The following UNC13B variants were observed in gnomAD, a reference collection of about 807,000 sequenced individuals.
UNC13B encodes the protein unc-13 homolog B, also known as protein unc-13 homolog B.
Under a neutral mutation model 211.0 loss-of-function variants are expected in UNC13B, and 144 were observed. The ratio of observed to expected loss-of-function variants is 0.68; its 90% CI spans 0.60 to 0.78. The LOEUF (loss-of-function observed/expected upper bound fraction) is 0.78, where lower values mean the gene tolerates loss of function less well. Ranked by LOEUF, UNC13B falls within the 30% of genes least tolerant of loss-of-function variation. The probability of loss-of-function intolerance (pLI) is 0.00; values close to 1 mark genes in which losing one functional copy is unlikely to be tolerated. For missense variants in UNC13B, 1,777 were observed against 2,002.0 expected (o/e 0.89, Z 2.14); for synonymous variants, 709 against 725.8 (o/e 0.98, Z 0.37).
At chr9:35,211,429 A>G (rs973711174) in intron 1 of UNC13B, among the ~76,000 whole-genome samples, 3 of 152,160 alleles carry the variant, frequency 2.0e-5, no homozygotes, top group African/African-American at 7.2e-5. Flanking sequence ...CCATGTGGGT[A>G]CCCGTAAATC....
chr9:35,353,121 G>A (rs1587681483), intron 11 of UNC13B: 2 of 1,232,134 alleles, frequency 1.6e-6, no homozygotes, highest in Non-Finnish European at 1.0e-6. Flanking sequence ...ATTATCATAG[G>A]GCCTGAGACT....
At chr9:35,284,870 C>T (rs1356983966) in intron 7 of UNC13B, among the ~76,000 whole-genome samples, 1 of 152,184 alleles carries the variant, frequency 6.6e-6, no homozygotes, top group East Asian at 1.9e-4. Context: ...AGTATTCCAT[C>T]ATTTTAATGT....
At chr9:35,397,796 G>T in intron 30 of UNC13B, 84 bp downstream of exon 30, 3 of 1,459,398 alleles carry the variant, frequency 2.1e-6, no homozygotes, top group South Asian at 1.2e-5. Context: ...CAGAATTGAG[G>T]GTTGGGGTGA....
At chr9:35,398,373 G>A (rs1836028355) in intron 31 of UNC13B, 85 bp downstream of exon 31, 9 of 1,485,536 alleles carry the variant, frequency 6.1e-6, no homozygotes, top group Non-Finnish European at 8.4e-6. Context: ...TCTTAACTAG[G>A]TGTAGGCCAG....
intron 12 of UNC13B, 68 bp downstream of exon 12, chr9:35,367,061 CT>C: frequency 6.7e-7 from 1 of 1,497,872 alleles, no homozygotes; most frequent in Non-Finnish European, 9.3e-7. Context: ...AGCTTTTCCC[CT>C]GGGAAGCAGG....
At chr9:35,196,944 A>AT (rs1263350935) in intron 1 of UNC13B, among the ~76,000 whole-genome samples, 12 of 150,548 alleles carry the variant, frequency 8.0e-5, no homozygotes, top group Admixed American at 1.3e-4. Context: ...CTAATTTTTA[A>AT]TTTTTTTGTA....
chr9:35,381,361 G>A, intron 19 of UNC13B, 146 bp downstream of exon 19: 1 of 966,662 alleles, frequency 1.0e-6, no homozygotes, highest in Non-Finnish European at 1.5e-6. Flanking sequence ...GAGTCCGAGT[G>A]ACTGAACTCA....
At chr9:35,203,456 C>A (rs939369745) in intron 1 of UNC13B, among the ~76,000 whole-genome samples, 2 of 152,222 alleles carry the variant, frequency 1.3e-5, no homozygotes, top group African/African-American at 4.8e-5. Context: ...GTTGAAAATT[C>A]TTTTCTTTAC....
intron 1 of UNC13B, among the ~76,000 whole-genome samples, chr9:35,188,655 T>A (rs1288450599): frequency 6.6e-6 from 1 of 152,196 alleles, no homozygotes; most frequent in Non-Finnish European, 1.5e-5. Flanking sequence ...TTGGGACACC[T>A]GTTAAATGTC....
At chr9:35,271,087 C>T (rs562453973) in intron 7 of UNC13B, among the ~76,000 whole-genome samples, 9 of 144,164 alleles carry the variant, frequency 6.2e-5, no homozygotes, top group East Asian at 6.1e-4. Context: ...TTTAGTGAGC[C>T]GAGATTGCGC....
chr9:35,370,771 G>A (rs1300854169), intron 13 of UNC13B, among the ~76,000 whole-genome samples: 1 of 152,218 alleles, frequency 6.6e-6, no homozygotes, highest in African/African-American at 2.4e-5. Flanking sequence ...GGTATGGGAT[G>A]AGCATGACTG....
At chr9:35,367,250 C>G (rs1833831702) in intron 12 of UNC13B, among the ~76,000 whole-genome samples, 1 of 152,242 alleles carries the variant, frequency 6.6e-6, no homozygotes, top group South Asian at 2.1e-4. Flanking sequence ...TCATCCTTGC[C>G]TCTATAATTT....
chr9:35,403,170 C>A lies in UNC13B; in HGVS notation c.12488C>A (p.Ser4163Tyr). The A allele has an allele frequency of 6.2e-7, 1 of 1,613,966 alleles. No homozygotes were observed. Among genetic ancestry groups the A allele is most frequent in the South Asian group, 1.1e-5 (1 of 91,022 alleles). The change falls in exon 38 of 40, where the codon TCT (serine) becomes TAT (tyrosine). Residue 4163 changes from serine (S) to tyrosine (Y), a missense_variant. Ser to Tyr is a moderately radical substitution (Grantham distance 144). Transcript: ENST00000635942. ...TFVRSQTTQGSGVDDPVGEVS... is the reference protein window; with the variant it reads ...TFVRSQTTQGYGVDDPVGEVS... The stretch of plus-strand genomic sequence containing the variant: ...CATCTCTCCATTTGTCCCTCAGGGT[C>A]TGGTGTGGACGATCCTGTGGGAGAA...
chr9:35,332,352 A>G (rs1831421865), intron 11 of UNC13B, among the ~76,000 whole-genome samples: 1 of 152,090 alleles, frequency 6.6e-6, no homozygotes. Flanking sequence ...TTTTCACTAT[A>G]ATTTCCCAAT....
chr9:35,307,693 T>C lies in UNC13B; in HGVS notation c.8289T>C (p.Phe2763=). 2.5e-6 allele frequency: 1 copy of C among 398,966 alleles called. No individual in the cohort carries two copies. The highest frequency in any genetic ancestry group is 1.3e-4 in the South Asian group (1 of 7,840). 24.7% of individuals were successfully genotyped at this position (398,966 alleles called of 1,614,324 possible). The change falls in exon 9 of 40, where the codon TTT becomes TTC. Residue 2763 remains phenylalanine, a synonymous_variant. Transcript: ENST00000635942. ...PQETEQSRPR[F]EIPNVTTWPK... is the part of the protein sequence containing the mutation. ...AAACAGAGCAGTCAAGACCACGTTT[T>C]GAGATCCCAAATGTGACCACTTGGC... is the stretch of plus-strand genomic sequence containing the variant.
At chr9:35,321,946 G>A (rs1461326232) in intron 11 of UNC13B, among the ~76,000 whole-genome samples, 1 of 152,186 alleles carries the variant, frequency 6.6e-6, no homozygotes, top group Admixed American at 6.5e-5. Context: ...CAATTTGACA[G>A]AAGAATGGTA....
Position 35,403,762 on chromosome 9 carries a change from AG to A in UNC13B, c.12754del (p.Glu4252ArgfsTer12), listed in dbSNP as rs1564204780. 17 of 1,614,064 alleles carry A rather than the reference AG, an allele frequency of 1.1e-5. No individual in the cohort carries two copies. Among genetic ancestry groups the A allele is most frequent in the Non-Finnish European group, 1.4e-5 (17 of 1,180,008 alleles). On this transcript the variant is annotated frameshift_variant, in exon 40 of 40. Transcript: ENST00000635942. LOFTEE classifies it high-confidence loss of function. ...NETFHFLLGN[E>X]EGPESYELQI... The stretch of plus-strand genomic sequence containing the variant: ...TGTGCTCACAGCCTCCTGGGAAATG[AG>A]GAGGGGCCCGAGTCCTATGAGTTGC...
intron 11 of UNC13B, among the ~76,000 whole-genome samples, chr9:35,319,590 T>C (rs10814225): frequency 0.36 from 54,369 of 151,738 alleles, 10,217 homozygotes; most frequent in African/African-American, 0.46. Context: ...TCTAGTAGTC[T>C]ACAGTGTCTA....
intron 11 of UNC13B, among the ~76,000 whole-genome samples, chr9:35,340,018 G>A (rs1022253953): frequency 4.6e-5 from 7 of 152,186 alleles, no homozygotes; most frequent in African/African-American, 1.4e-4. Context: ...TGCAGATTTG[G>A]GGGAGGGAAT....
Sources: gnomAD v4.1 joint callset for allele counts (sites outside exome capture counted in the v4.1 genomes callset) on GRCh38, gnomAD v4.1.1 for gene constraint, MANE v1.5 for transcripts, NCBI Gene and HGNC (gene_info 2026-07-23, HGNC 2026-07-21) for gene names.